Variants in RELL1 observed in about 807,000 individuals in gnomAD.
RELL1 encodes RELT like 1, also known as RELT-like protein 1.
A neutral mutation model predicts 23.0 loss-of-function variants in RELL1; 10 were observed. That is an observed-to-expected ratio of 0.43 (90% CI 0.27 to 0.74). The LOEUF is 0.74. Ranked by LOEUF, RELL1 falls within the 30% of genes least tolerant of loss-of-function variation. RELL1 has a pLI of 0.19. For missense variants in RELL1, 315 were observed against 364.4 expected, an observed-to-expected ratio of 0.86 and a Z score of 1.10; for synonymous variants, 146 against 146.8, an observed-to-expected ratio of 0.99 and a Z score of 0.04.
chr4:37,679,050 T>C (rs1722117539), intron 1 of RELL1, among the ~76,000 whole-genome samples: 1 of 152,138 alleles, frequency 6.6e-6, no homozygotes, highest in African/African-American at 2.4e-5. Context: ...CAGGTGGGAA[T>C]GGAAAACCAG....
chr4:37,612,322 T>TAAA lies in RELL1; in HGVS notation c.*1021_*1023dup, dbSNP rs1553872212. ...AACCAAGAATCGCTCAGCTAAAGGT[T>TAAA]AAAAAAAAAAAAAAAACAAAAAAAA... On this transcript the variant is annotated 3_prime_UTR_variant, in exon 7 of 7. Coordinates refer to ENST00000454158, the MANE Select transcript of RELL1 (RefSeq NM_001085400.2). 4.8e-5 allele frequency among the ~76,000 whole-genome samples: 4 copies of TAAA among 83,506 alleles called. No individual in the cohort carries two copies. The highest frequency in any genetic ancestry group is 2.3e-4 in the African/African-American group (4 of 17,590). The allele number at this position is 83,506 out of a possible 152,430, so 54.8% of individuals were successfully genotyped here.
chr4:37,604,876 CACAT>C (rs1249179265), intron 6 of RELL1, among the ~76,000 whole-genome samples: 47 of 75,914 alleles, frequency 6.2e-4, no homozygotes, highest in African/African-American at 1.4e-3. Context: ...GACACACACA[CACAT>C]ACACACAGAC....
At chr4:37,647,297 G>C (rs769043401) in intron 3 of RELL1, 71 bp downstream of exon 3, 4 of 1,029,490 alleles carry the variant, frequency 3.9e-6, no homozygotes, top group Non-Finnish European at 6.1e-6. Flanking sequence ...TATAAATCTT[G>C]ACTCTTCGAA....
intron 1 of RELL1, among the ~76,000 whole-genome samples, chr4:37,668,263 C>G (rs577176579): frequency 2.7e-5 from 4 of 149,778 alleles, no homozygotes; most frequent in Non-Finnish European, 4.5e-5. Context: ...CCTCTGATAC[C>G]GAGCCGAAGC....
chr4:37,602,911 C>T (rs1719052916), intron 6 of RELL1, among the ~76,000 whole-genome samples: 1 of 152,152 alleles, frequency 6.6e-6, no homozygotes, highest in Non-Finnish European at 1.5e-5. Flanking sequence ...CCAGGTAACA[C>T]CTGCAGTGAC....
chr4:37,590,228 G>A (rs1718528996), downstream of RELL1: 2 of 1,614,236 alleles, frequency 1.2e-6, no homozygotes, highest in Admixed American at 1.7e-5. Flanking sequence ...GACCCTCAGA[G>A]GCAGGGCTCA....
At chr4:37,674,070 C>G (rs1036340779) in intron 1 of RELL1, among the ~76,000 whole-genome samples, 1 of 152,192 alleles carries the variant, frequency 6.6e-6, no homozygotes, top group African/African-American at 2.4e-5. Context: ...TCTTTTCCAT[C>G]GCCCTTATCA....
At chr4:37,619,806 A>G (rs989754990) in intron 6 of RELL1, among the ~76,000 whole-genome samples, 2 of 152,114 alleles carry the variant, frequency 1.3e-5, no homozygotes, top group African/African-American at 4.8e-5. Flanking sequence ...CCTGGCCTCG[A>G]GCCATCCTCC....
chr4:37,625,938 A>C (rs1190483968), intron 6 of RELL1, among the ~76,000 whole-genome samples: 1 of 152,186 alleles, frequency 6.6e-6, no homozygotes, highest in African/African-American at 2.4e-5. Flanking sequence ...AAAGATTCTA[A>C]ATAGAAATTT....
At chr4:37,601,576 G>T (rs1034885412) in intron 6 of RELL1, among the ~76,000 whole-genome samples, 5 of 152,190 alleles carry the variant, frequency 3.3e-5, no homozygotes, top group African/African-American at 1.2e-4. Context: ...AGGAAAGATG[G>T]TGAAAGGAAA....
At chr4:37,662,014 A>C (rs1237992313) in intron 1 of RELL1, among the ~76,000 whole-genome samples, 3 of 151,722 alleles carry the variant, frequency 2.0e-5, no homozygotes, top group African/African-American at 7.3e-5. Flanking sequence ...ACAAAACCCC[A>C]CCCAACGCCA....
intron 4 of RELL1, among the ~76,000 whole-genome samples, chr4:37,638,184 G>A (rs1225757308): frequency 6.6e-6 from 1 of 152,218 alleles, no homozygotes; most frequent in Non-Finnish European, 1.5e-5. Context: ...CATTGACAAT[G>A]TGTGGAGACA....
Position 37,686,206 on chromosome 4 carries a change from C to A in RELL1, c.82G>T (p.Ala28Ser), listed in dbSNP as rs1722404578. 6.3e-7 allele frequency: 1 copy of A among 1,580,398 alleles called. No homozygotes were observed. The highest frequency in any genetic ancestry group is 1.7e-5 in the Admixed American group (1 of 58,510). The part of the protein sequence containing the change: ...VGGAVSSPLV[A>S]PDNGSSRTLH... ...GCTACGACCGGACACTCACCCGGAG[C>A]CACCAGCGGCGAACTCACGGCGCCT... The change falls in exon 1 of 7, where the codon GCT becomes TCT. Residue 28 changes from alanine to serine, a missense_variant. Transcript: ENST00000454158.
At chr4:37,589,960 A>G (rs1164470452), downstream of RELL1, 1 of 770,416 alleles carries the variant, frequency 1.3e-6, no homozygotes, top group Non-Finnish European at 2.2e-6. Flanking sequence ...TGATTTAGAC[A>G]TACTTATCTA....
rs77764785 is a variant in RELL1 at position 37,652,040 on chromosome 4, A to C, written c.89-2540T>G. Among the ~76,000 whole-genome samples the C allele has an allele frequency of 1.4e-3, 211 of 152,336 alleles. 1 individual carries two copies. The East Asian group carries it at 0.025, about 18-fold the overall frequency. ...GAGCGTCGCCAGCCAGGAGGTCCCC[A>C]GTTTACAAAGTGACCGAGAAGAAAA... is the stretch of plus-strand genomic sequence containing the variant. On this transcript the variant is annotated intron_variant, in intron 1 of 6. Coordinates refer to ENST00000454158, the MANE Select transcript of RELL1 (RefSeq NM_001085400.2).
chr4:37,639,629 G>T (rs1720455540), intron 3 of RELL1, among the ~76,000 whole-genome samples: 1 of 152,114 alleles, frequency 6.6e-6, no homozygotes, highest in South Asian at 2.1e-4. Flanking sequence ...ACGCTCCCCA[G>T]GATGAAAGAC....
intron 1 of RELL1, 53 bp downstream of exon 1, chr4:37,686,147 G>T: frequency 1.4e-6 from 2 of 1,466,192 alleles, no homozygotes; most frequent in Middle Eastern, 1.7e-4. Flanking sequence ...TTCCTTCCGC[G>T]CTCCCGGGAC....
chr4:37,606,122 G>A (rs1719212173), downstream of RELL1, among the ~76,000 whole-genome samples: 1 of 121,970 alleles, frequency 8.2e-6, no homozygotes, highest in Non-Finnish European at 1.6e-5. This position sits in a 1 kb window ranked among gnomAD's most constrained non-coding sequence, Gnocchi z 4.1. Flanking sequence ...AGGAGGAGAA[G>A]GAGGAGGAGA....
intron 3 of RELL1, among the ~76,000 whole-genome samples, chr4:37,638,952 T>A (rs1720428456): frequency 1.3e-5 from 2 of 152,252 alleles, no homozygotes; most frequent in Non-Finnish European, 2.9e-5. Context: ...AACTTGTATG[T>A]GCCAAAATAA....
Sources: gnomAD v4.1 joint callset for allele counts (sites outside exome capture counted in the v4.1 genomes callset) on GRCh38, gnomAD v4.1.1 for gene constraint, Gnocchi (gnomAD v3.1) non-coding constraint, MANE v1.5 for transcripts, NCBI Gene and HGNC (gene_info 2026-07-23, HGNC 2026-07-21) for gene names.